The following PLCE1 variants were observed in gnomAD, a reference collection of about 807,000 sequenced individuals.
PLCE1 encodes the protein phospholipase C epsilon 1.
In PLCE1, 119 loss-of-function variants were observed where a neutral mutation model predicts 242.8. The ratio of observed to expected loss-of-function variants is 0.49; its 90% CI spans 0.42 to 0.57. The LOEUF (loss-of-function observed/expected upper bound fraction) is 0.57, where lower values mean the gene tolerates loss of function less well. Among genes scored for constraint, PLCE1 ranks in the 20% least tolerant of loss-of-function variants. The pLI is 0.00. For missense variants in PLCE1, 2,441 were observed against 2,788.8 expected, an observed-to-expected ratio of 0.88 and a Z score of 2.81; for synonymous variants, 945 against 1,017.4, an observed-to-expected ratio of 0.93 and a Z score of 1.35.
At chr10:94,095,440 T>C (rs547780461) in intron 2 of PLCE1, among the ~76,000 whole-genome samples, 1 of 152,258 alleles carries the variant, frequency 6.6e-6, no homozygotes, top group African/African-American at 2.4e-5. Flanking sequence ...CACTGTAACC[T>C]CCACCTCCCA....
chr10:94,233,992 C>G, intron 5 of PLCE1, 62 bp from the exon 6 acceptor site: 1 of 1,402,256 alleles, frequency 7.1e-7, no homozygotes, highest in South Asian at 1.2e-5. Flanking sequence ...GGAATTTAGG[C>G]TCCTTGCTGT....
chr10:94,088,974 C>A, intron 2 of PLCE1: 1 of 1,079,450 alleles, frequency 9.3e-7, no homozygotes, highest in South Asian at 2.0e-5. Flanking sequence ...CGCAGCCCTC[C>A]CTCGATTCTG....
chr10:94,310,404 A>C (rs1457335345), intron 27 of PLCE1, among the ~76,000 whole-genome samples: 1 of 152,120 alleles, frequency 6.6e-6, no homozygotes, highest in East Asian at 1.9e-4. Flanking sequence ...GGAGCTTTAA[A>C]AACTCCATGT....
At chr10:94,307,358 C>T (rs964623713) in intron 26 of PLCE1, among the ~76,000 whole-genome samples, 4 of 152,124 alleles carry the variant, frequency 2.6e-5, no homozygotes, top group African/African-American at 9.7e-5. Flanking sequence ...CCTTTGAGCA[C>T]CAATATTCTA....
At chr10:94,023,114 C>T (rs767647861) in intron 1 of PLCE1, among the ~76,000 whole-genome samples, 3 of 152,014 alleles carry the variant, frequency 2.0e-5, no homozygotes, top group Non-Finnish European at 4.4e-5. Context: ...GCAATTAATG[C>T]GGACAGGTGG....
At chr10:94,141,496 G>A (rs112737411) in intron 3 of PLCE1, among the ~76,000 whole-genome samples, 8 of 150,730 alleles carry the variant, frequency 5.3e-5, no homozygotes, top group African/African-American at 1.9e-4. Context: ...GGAAGGTGAA[G>A]GGAAGGCGAA....
chr10:94,122,047 T>A (rs1330256474), intron 2 of PLCE1, among the ~76,000 whole-genome samples: 1 of 152,018 alleles, frequency 6.6e-6, no homozygotes, highest in East Asian at 1.9e-4. Flanking sequence ...TTGGCATTGG[T>A]CCCCTCCACC....
chr10:94,058,586 T>TCC (rs775057913), intron 2 of PLCE1, among the ~76,000 whole-genome samples: 1 of 152,162 alleles, frequency 6.6e-6, no homozygotes, highest in Non-Finnish European at 1.5e-5. Flanking sequence ...CTTATGTGTC[T>TCC]CCCTCCCTTC....
chr10:94,196,302 T>C (rs189387947), intron 4 of PLCE1, among the ~76,000 whole-genome samples: 294 of 152,302 alleles, frequency 1.9e-3, no homozygotes, highest in Non-Finnish European at 2.0e-3. Context: ...TCCTATGTAT[T>C]ATAGCATAAA....
At chr10:94,114,304 C>T (rs2046049034) in intron 2 of PLCE1, among the ~76,000 whole-genome samples, 1 of 152,168 alleles carries the variant, frequency 6.6e-6, no homozygotes, top group African/African-American at 2.4e-5. Flanking sequence ...TTTTCTTTTC[C>T]TTCTCAGTGA....
intron 27 of PLCE1, among the ~76,000 whole-genome samples, chr10:94,309,589 G>T (rs1381420748): frequency 6.6e-6 from 1 of 152,018 alleles, no homozygotes; most frequent in African/African-American, 2.4e-5. Context: ...GCCTCCCAAG[G>T]TGGCCTCCCA....
chr10:94,190,621 C>A (rs573670331), intron 4 of PLCE1, among the ~76,000 whole-genome samples: 2 of 152,302 alleles, frequency 1.3e-5, no homozygotes, highest in African/African-American at 4.8e-5. Flanking sequence ...ACAACAACAA[C>A]AACGAAAGAT....
chr10:94,108,579 T>A (rs558724736), intron 2 of PLCE1: 1 of 152,396 alleles, frequency 6.6e-6, no homozygotes, highest in South Asian at 2.1e-4. Flanking sequence ...GCCTGCTGCA[T>A]GGCGAAGCCT....
intron 3 of PLCE1, among the ~76,000 whole-genome samples, chr10:94,161,836 A>G (rs1041334379): frequency 9.2e-5 from 14 of 152,084 alleles, no homozygotes; most frequent in Non-Finnish European, 1.8e-4. Context: ...TCCCATCAAT[A>G]CCTAATTTAT....
chr10:94,030,335 A>G (rs2061531863), intron 1 of PLCE1, among the ~76,000 whole-genome samples: 2 of 151,628 alleles, frequency 1.3e-5, no homozygotes. Flanking sequence ...CTTTCTAAGC[A>G]GTAAGCTAGG....
At chr10:94,256,317 T>A (rs1349402270) in intron 11 of PLCE1, among the ~76,000 whole-genome samples, 1 of 124,606 alleles carries the variant, frequency 8.0e-6, no homozygotes, top group Non-Finnish European at 1.6e-5. Flanking sequence ...GAGTGAGAGC[T>A]TGTCTCAAAA....
chr10:94,009,014 C>G (rs531262900), intron 1 of PLCE1, among the ~76,000 whole-genome samples: 1 of 152,122 alleles, frequency 6.6e-6, no homozygotes, highest in South Asian at 2.1e-4. Flanking sequence ...AGTAACACAC[C>G]TTTGACCTCT....
At chr10:94,143,155 G>C (rs1290847278) in intron 3 of PLCE1, among the ~76,000 whole-genome samples, 2 of 152,126 alleles carry the variant, frequency 1.3e-5, no homozygotes, top group African/African-American at 2.4e-5. Context: ...ATCTAAACAG[G>C]TATTTAACCA....
At chr10:94,266,511 G>C (rs1029211295) in intron 16 of PLCE1, among the ~76,000 whole-genome samples, 1 of 152,194 alleles carries the variant, frequency 6.6e-6, no homozygotes, top group Non-Finnish European at 1.5e-5. Flanking sequence ...TTGAAACTCA[G>C]TAGGTTCTCT....
Sources: allele counts gnomAD v4.1 joint callset (sites outside exome capture counted in the v4.1 genomes callset), GRCh38; gene constraint gnomAD v4.1.1; transcripts MANE v1.5; gene names NCBI Gene and HGNC (gene_info 2026-07-23, HGNC 2026-07-21).